KLF17: variants seen among roughly 807,000 people sequenced by gnomAD.
KLF17 encodes the protein KLF transcription factor 17.
KLF17 carries 31 observed loss-of-function variants against 34.2 expected under a neutral mutation model. That is an observed-to-expected ratio of 0.91 (90% CI 0.68 to 1.22). The LOEUF (loss-of-function observed/expected upper bound fraction) is 1.22, where lower values mean the gene tolerates loss of function less well. KLF17 is among the 50% of genes most tolerant of loss of function. KLF17 has a pLI of 0.00. For missense variants in KLF17, 478 were observed against 505.2 expected, an observed-to-expected ratio of 0.95 and a Z score of 0.52; for synonymous variants, 179 against 186.7, an observed-to-expected ratio of 0.96 and a Z score of 0.34.
the KLF17 span, among the ~76,000 whole-genome samples, chr1:44,100,350 A>T: frequency 2.6e-5 from 4 of 151,756 alleles, no homozygotes; most frequent in Admixed American, 2.6e-4. Context: ...AATGGAAGTG[A>T]GGTACAGAGG....
chr1:44,130,323 G>GC (rs35084281), intron 2 of KLF17, 127 bp downstream of exon 2: 486,365 of 1,419,238 alleles, frequency 0.34, 87,417 homozygotes, highest in East Asian at 0.46. Context: ...AGCTAGACTG[G>GC]CCCCCCGACT....
chr1:44,098,307 T>C, the KLF17 span, among the ~76,000 whole-genome samples: 2 of 152,120 alleles, frequency 1.3e-5, no homozygotes, highest in African/African-American at 4.8e-5. Flanking sequence ...AGTTGTAATG[T>C]CTCCCTTTTC....
chr1:44,103,651 C>A, the KLF17 span: 165 of 1,610,346 alleles, frequency 1.0e-4, no homozygotes, highest in Non-Finnish European at 1.3e-4. Flanking sequence ...TTCATCAGCT[C>A]CTAGTACTCA....
At chr1:44,075,565 A>C in the KLF17 span, among the ~76,000 whole-genome samples, 17 of 152,336 alleles carry the variant, frequency 1.1e-4, no homozygotes, top group Admixed American at 3.3e-4. Context: ...CATTAAGGCC[A>C]GCCAAGTAGA....
the KLF17 span, among the ~76,000 whole-genome samples, chr1:44,101,934 G>C: frequency 6.6e-6 from 1 of 152,150 alleles, no homozygotes; most frequent in African/African-American, 2.4e-5. Flanking sequence ...TGCACATGTA[G>C]TCCCAGCTGC....
intron 1 of KLF17, among the ~76,000 whole-genome samples, chr1:44,127,069 T>TG (rs201032484): frequency 0.016 from 2,412 of 150,228 alleles, 81 homozygotes; most frequent in African/African-American, 0.056. Flanking sequence ...GCTTGTTTTT[T>TG]TTTTTTTTTT....
intron 1 of KLF17, among the ~76,000 whole-genome samples, chr1:44,127,425 CTT>C (rs912966701): frequency 2.6e-5 from 4 of 152,054 alleles, no homozygotes; most frequent in African/African-American, 9.7e-5. Flanking sequence ...CTGGATGTAA[CTT>C]TTTTGAATTT....
At chr1:44,058,189 G>A in the KLF17 span, among the ~76,000 whole-genome samples, 1 of 152,186 alleles carries the variant, frequency 6.6e-6, no homozygotes, top group Admixed American at 6.5e-5. Flanking sequence ...TCAATCCTTG[G>A]GGAAGGTAGA....
At chr1:44,104,446 G>A in the KLF17 span, 5 of 818,270 alleles carry the variant, frequency 6.1e-6, no homozygotes, top group Non-Finnish European at 8.6e-6. Context: ...CCCAGGAACC[G>A]CACCTTGTCG....
At chr1:44,093,026 A>T in the KLF17 span, among the ~76,000 whole-genome samples, 1 of 146,290 alleles carries the variant, frequency 6.8e-6, no homozygotes, top group Non-Finnish European at 1.5e-5. Flanking sequence ...AGCCTACATT[A>T]TAAGGTACTC....
intron 1 of KLF17, chr1:44,122,356 C>T (rs2087957670): frequency 1.9e-6 from 3 of 1,607,752 alleles, no homozygotes; most frequent in South Asian, 1.1e-5. Flanking sequence ...TCCAGCTGTA[C>T]AGGTTCTCTG....
the KLF17 span, chr1:44,074,756 C>G: frequency 3.3e-5 from 5 of 152,160 alleles, no homozygotes; most frequent in Non-Finnish European, 7.3e-5. Flanking sequence ...GGGTTCCAAG[C>G]CTGAGAGATT....
the KLF17 span, among the ~76,000 whole-genome samples, chr1:44,111,244 C>A: frequency 6.6e-6 from 1 of 152,028 alleles, no homozygotes; most frequent in Non-Finnish European, 1.5e-5. Flanking sequence ...GATCCACCTG[C>A]CTCGGTCTCC....
intron 1 of KLF17, among the ~76,000 whole-genome samples, chr1:44,128,541 G>A (rs1373791903): frequency 6.6e-6 from 1 of 151,962 alleles, no homozygotes; most frequent in Non-Finnish European, 1.5e-5. Flanking sequence ...TCCAGTGCTT[G>A]ATCTCAGACC....
chr1:44,102,289 T>C, the KLF17 span, among the ~76,000 whole-genome samples: 1 of 151,798 alleles, frequency 6.6e-6, no homozygotes, highest in South Asian at 2.1e-4. Flanking sequence ...ATCCCAGCAC[T>C]TTGGGAGGCT....
intron 1 of KLF17, 67 bp downstream of exon 1, chr1:44,119,055 C>A: frequency 3.2e-6 from 4 of 1,257,008 alleles, no homozygotes; most frequent in Non-Finnish European, 4.4e-6. Flanking sequence ...GGAGGGGAGG[C>A]CTTGGAGGAG....
the KLF17 span, among the ~76,000 whole-genome samples, chr1:44,068,640 G>C: frequency 6.6e-6 from 1 of 152,178 alleles, no homozygotes; most frequent in South Asian, 2.1e-4. Context: ...GTCTGGACTG[G>C]AACATTCTGG....
At chr1:44,113,600 C>T in the KLF17 span, among the ~76,000 whole-genome samples, 1 of 152,090 alleles carries the variant, frequency 6.6e-6, no homozygotes, top group Non-Finnish European at 1.5e-5. Flanking sequence ...GAAGGACACT[C>T]CAGGCAGAGA....
the KLF17 span, among the ~76,000 whole-genome samples, chr1:44,063,393 A>G: frequency 6.6e-6 from 1 of 152,244 alleles, no homozygotes; most frequent in African/African-American, 2.4e-5. Flanking sequence ...GAAAAAAATC[A>G]TATAGATGCC....
Sources: gnomAD v4.1 joint callset for allele counts (sites outside exome capture counted in the v4.1 genomes callset) on GRCh38, gnomAD v4.1.1 for gene constraint, MANE v1.5 for transcripts, NCBI Gene and HGNC (gene_info 2026-07-23, HGNC 2026-07-21) for gene names.